Variants in RIMS1 observed in about 807,000 individuals in gnomAD.
RIMS1 encodes regulating synaptic membrane exocytosis protein 1.
RIMS1 carries 83 observed loss-of-function variants against 214.1 expected under a neutral mutation model. That is an observed-to-expected ratio of 0.39 (90% CI 0.32 to 0.47). The LOEUF (loss-of-function observed/expected upper bound fraction) is 0.47. RIMS1 is among the 20% of genes least tolerant of loss of function. RIMS1 has a pLI of 0.99. For missense variants in RIMS1, 2,050 were observed against 2,161.8 expected, an observed-to-expected ratio of 0.95 and a Z score of 1.03; for synonymous variants, 793 against 786.8, an observed-to-expected ratio of 1.01 and a Z score of -0.13.
intron 3 of RIMS1, 41 bp downstream of exon 3, chr6:72,097,203 TA>T (rs2032019530): frequency 1.9e-6 from 3 of 1,542,482 alleles, no homozygotes; most frequent in East Asian, 2.2e-5. Flanking sequence ...TGAATGTGGA[TA>T]AAAACTATTA....
At chr6:71,956,891 G>A (rs895528718) in intron 1 of RIMS1, among the ~76,000 whole-genome samples, 1 of 152,072 alleles carries the variant, frequency 6.6e-6, no homozygotes, top group Non-Finnish European at 1.5e-5. Context: ...AAATTTCTGA[G>A]CCCAAATCCC....
chr6:72,172,532 A>G (rs1203498483), intron 4 of RIMS1, among the ~76,000 whole-genome samples: 1 of 152,178 alleles, frequency 6.6e-6, no homozygotes, highest in African/African-American at 2.4e-5. Flanking sequence ...CAGAGATGTC[A>G]TTAACTCCTC....
At position 71,944,532 on chromosome 6, in the gene RIMS1, T is replaced by C. The variant is rs111701802; in HGVS notation, c.165-24451T>C. Among the ~76,000 whole-genome samples the C allele has an allele frequency of 2.1e-3, 319 of 152,066 alleles. 2 individuals carry two copies. Among genetic ancestry groups the C allele is most frequent in the African/African-American group, 7.2e-3 (300 of 41,458 alleles). ...GGAGTAATATTAGAAAATGTACAGTTGGTGTGAAGTGGGTGTTAGAGAGAA... is the reference window on the plus strand; with the variant it reads ...GGAGTAATATTAGAAAATGTACAGTCGGTGTGAAGTGGGTGTTAGAGAGAA... On this transcript the variant is annotated intron_variant, in intron 1 of 33. Coordinates refer to ENST00000521978, the MANE Select transcript of RIMS1 (RefSeq NM_014989.7).
At chr6:71,911,517 A>G (rs1327499776) in intron 1 of RIMS1, among the ~76,000 whole-genome samples, 1 of 152,178 alleles carries the variant, frequency 6.6e-6, no homozygotes, top group Admixed American at 6.6e-5. Flanking sequence ...ATAGTAAAGG[A>G]AAGAAGCTTC....
At chr6:71,949,504 C>G (rs539602311) in intron 1 of RIMS1, among the ~76,000 whole-genome samples, 153 of 152,288 alleles carry the variant, frequency 1.0e-3, no homozygotes, top group South Asian at 3.9e-3. Context: ...AAATTTGTCA[C>G]TTGTTTTGTG....
intron 27 of RIMS1, among the ~76,000 whole-genome samples, chr6:72,309,981 C>G: frequency 6.6e-6 from 1 of 152,056 alleles, no homozygotes; most frequent in East Asian, 1.9e-4. Context: ...TATTCTACAT[C>G]AAGTATTTTA....
At chr6:71,937,848 C>A (rs1399468812) in intron 1 of RIMS1, among the ~76,000 whole-genome samples, 1 of 152,148 alleles carries the variant, frequency 6.6e-6, no homozygotes, top group East Asian at 1.9e-4. Flanking sequence ...AACTCATGTA[C>A]TTCTCACATA....
chr6:72,147,307 C>T (rs962748277), intron 4 of RIMS1, among the ~76,000 whole-genome samples: 3 of 152,044 alleles, frequency 2.0e-5, no homozygotes, highest in Non-Finnish European at 2.9e-5. Flanking sequence ...CACAGAGAGA[C>T]AGAAAATTGA....
intron 1 of RIMS1, among the ~76,000 whole-genome samples, chr6:71,920,657 A>G (rs992260249): frequency 6.6e-6 from 1 of 152,190 alleles, no homozygotes. Context: ...TCCTGAGACT[A>G]AATAACACTA....
intron 4 of RIMS1, among the ~76,000 whole-genome samples, chr6:72,139,905 G>A (rs981498876): frequency 9.9e-5 from 15 of 151,780 alleles, no homozygotes; most frequent in Non-Finnish European, 1.9e-4. Context: ...TTAATTAAAG[G>A]CCTTAATTTT....
intron 23 of RIMS1, 38 bp from the exon 24 acceptor site, chr6:72,284,009 T>C (rs1347654078): frequency 1.3e-6 from 2 of 1,482,548 alleles, no homozygotes; most frequent in Non-Finnish European, 1.9e-6. Flanking sequence ...TGTAGCTTTA[T>C]TCATCATATA....
At position 71,890,170 on chromosome 6, in the gene RIMS1, A is replaced by G. The variant is rs193049303; in HGVS notation, c.164+2983A>G. Among the ~76,000 whole-genome samples the G allele has an allele frequency of 5.3e-5, 8 of 152,320 alleles. 1 individual carries two copies. In the East Asian group the frequency reaches 1.5e-3, roughly 29 times the overall value. ...GCTTTGAGAATGTCTTTAAATATGT[A>G]TAAATGGAAAAAAATCAAGCTACTT... is the stretch of plus-strand genomic sequence containing the variant. On this transcript the variant is annotated intron_variant, in intron 1 of 33. Transcript: ENST00000521978.
intron 29 of RIMS1, among the ~76,000 whole-genome samples, chr6:72,377,013 C>A (rs1342657120): frequency 2.6e-5 from 4 of 152,138 alleles, no homozygotes; most frequent in Non-Finnish European, 5.9e-5. Context: ...TCATATATGC[C>A]ATTTAAAAGT....
At chr6:72,063,844 T>C (rs1365832363) in intron 2 of RIMS1, among the ~76,000 whole-genome samples, 4 of 152,320 alleles carry the variant, frequency 2.6e-5, no homozygotes, top group African/African-American at 2.4e-5. Flanking sequence ...AGAGACTGGA[T>C]GGCTTCTGGA....
chr6:72,258,502 A>T (rs2076780066), intron 17 of RIMS1, among the ~76,000 whole-genome samples: 1 of 152,164 alleles, frequency 6.6e-6, no homozygotes, highest in African/African-American at 2.4e-5. Context: ...TTTATGTCCC[A>T]GGAATAGTTT....
At chr6:72,061,720 G>C (rs1322720925) in intron 2 of RIMS1, among the ~76,000 whole-genome samples, 1 of 152,214 alleles carries the variant, frequency 6.6e-6, no homozygotes, top group Non-Finnish European at 1.5e-5. Flanking sequence ...AAAATCAAAA[G>C]AGCCGCCAAA....
chr6:72,040,537 A>G (rs907343425), intron 2 of RIMS1, among the ~76,000 whole-genome samples: 1 of 151,994 alleles, frequency 6.6e-6, no homozygotes, highest in Non-Finnish European at 1.5e-5. Flanking sequence ...TTGGGCTAGT[A>G]TATTTGGGGG....
intron 22 of RIMS1, among the ~76,000 whole-genome samples, chr6:72,268,028 C>A (rs1463533997): frequency 6.6e-6 from 1 of 151,900 alleles, no homozygotes; most frequent in Non-Finnish European, 1.5e-5. Context: ...AGAAGAACAG[C>A]AATTATTTTA....
At chr6:72,228,116 A>T (rs1358115397) in intron 6 of RIMS1, among the ~76,000 whole-genome samples, 2 of 151,966 alleles carry the variant, frequency 1.3e-5, no homozygotes, top group Non-Finnish European at 2.9e-5. Context: ...CGTCACCTCC[A>T]AAACTTCCAC....
Sources: gnomAD v4.1 joint callset for allele counts (sites outside exome capture counted in the v4.1 genomes callset) on GRCh38, gnomAD v4.1.1 for gene constraint, MANE v1.5 for transcripts, NCBI Gene and HGNC (gene_info 2026-07-23, HGNC 2026-07-21) for gene names.